GABRB1: variants seen among roughly 807,000 people sequenced by gnomAD.
GABRB1 encodes the protein gamma-aminobutyric acid type A receptor subunit beta1.
A neutral mutation model predicts 51.6 loss-of-function variants in GABRB1; 17 were observed. The ratio of observed to expected loss-of-function variants is 0.33; its 90% CI spans 0.23 to 0.49. GABRB1 has a LOEUF of 0.49. GABRB1 is among the 20% of genes least tolerant of loss of function. The pLI, the probability that GABRB1 is intolerant of heterozygous loss-of-function variation, is 0.99. For synonymous variants in GABRB1, 247 were observed against 218.9 expected (o/e 1.13, Z -1.14); for missense variants, 410 against 600.6 (o/e 0.68, Z 3.32).
chr4:47,065,754 G>A (rs190482629), intron 3 of GABRB1, among the ~76,000 whole-genome samples: 2 of 152,258 alleles, frequency 1.3e-5, no homozygotes, highest in Admixed American at 1.3e-4. Context: ...AAAAAAATAG[G>A]GATGAAAGGA....
chr4:47,157,686 T>C (rs746182706), intron 3 of GABRB1, among the ~76,000 whole-genome samples: 18 of 152,100 alleles, frequency 1.2e-4, no homozygotes, highest in East Asian at 7.7e-4. Context: ...TGGCTTTATA[T>C]AGATTGTAGA....
At chr4:47,000,877 A>T (rs926334143) in intron 1 of GABRB1, among the ~76,000 whole-genome samples, 2 of 152,212 alleles carry the variant, frequency 1.3e-5, no homozygotes, top group African/African-American at 4.8e-5. Flanking sequence ...GCATTATCCT[A>T]TTGGTCAGAG....
intron 4 of GABRB1, among the ~76,000 whole-genome samples, chr4:47,288,994 G>T (rs1383653123): frequency 6.6e-6 from 1 of 151,696 alleles, no homozygotes; most frequent in East Asian, 1.9e-4. Flanking sequence ...TTGTAAAGAT[G>T]ATCAATATAG....
At chr4:47,299,864 G>C (rs1254459387) in intron 4 of GABRB1, among the ~76,000 whole-genome samples, 3 of 151,796 alleles carry the variant, frequency 2.0e-5, no homozygotes, top group Non-Finnish European at 4.4e-5. Flanking sequence ...TGATAGACTG[G>C]ATTAAGAAAA....
At chr4:47,006,567 G>A (rs1724407049) in intron 1 of GABRB1, among the ~76,000 whole-genome samples, 1 of 152,074 alleles carries the variant, frequency 6.6e-6, no homozygotes, top group African/African-American at 2.4e-5. Context: ...GATAAGATGT[G>A]TAGCTATAAA....
At chr4:47,117,761 A>G (rs568988664) in intron 3 of GABRB1, among the ~76,000 whole-genome samples, 1 of 152,326 alleles carries the variant, frequency 6.6e-6, no homozygotes, top group Admixed American at 6.5e-5. Context: ...TTGGTTATGA[A>G]ATACGCTGGG....
At chr4:47,105,586 C>T (rs1056274922) in intron 3 of GABRB1, among the ~76,000 whole-genome samples, 2 of 152,194 alleles carry the variant, frequency 1.3e-5, no homozygotes, top group East Asian at 1.9e-4. Flanking sequence ...ATTTTCTTTT[C>T]CCTTTCTCCT....
chr4:47,363,465 A>T (rs2110012103), intron 5 of GABRB1, among the ~76,000 whole-genome samples: 1 of 152,134 alleles, frequency 6.6e-6, no homozygotes, highest in South Asian at 2.1e-4. Flanking sequence ...TTCTCATCCC[A>T]CTCTGATTGC....
rs73133962 is a variant in GABRB1, at chr4:47,315,277, A to G, written c.462-4850A>G. Among the ~76,000 whole-genome samples the G allele has an allele frequency of 7.4e-3, 1,122 of 152,160 alleles. 16 individuals carry two copies. The highest frequency in any genetic ancestry group is 0.025 in the African/African-American group (1,059 of 41,564). ...ACATACACGCATCCAACAAGCATAT[A>G]AAAAATGCTCAACTTCACTAATCAT... On this transcript the variant is annotated intron_variant, in intron 4 of 8. Transcript: ENST00000295454.
intron 4 of GABRB1, among the ~76,000 whole-genome samples, chr4:47,266,697 A>T (rs1214980576): frequency 6.6e-6 from 1 of 152,144 alleles, no homozygotes; most frequent in African/African-American, 2.4e-5. Flanking sequence ...GTGGCTTAAT[A>T]TATGATCTAA....
At chr4:47,116,252 G>C (rs1715473322) in intron 3 of GABRB1, among the ~76,000 whole-genome samples, 1 of 151,902 alleles carries the variant, frequency 6.6e-6, no homozygotes, top group Non-Finnish European at 1.5e-5. Flanking sequence ...TTATTTTTCT[G>C]TTCTGCTAGT....
At chr4:47,372,851 A>G (rs1727247530) in intron 5 of GABRB1, among the ~76,000 whole-genome samples, 1 of 152,098 alleles carries the variant, frequency 6.6e-6, no homozygotes, top group Non-Finnish European at 1.5e-5. Context: ...CAGTTCCCTG[A>G]TGTGAAGACA....
intron 2 of GABRB1, 136 bp downstream of exon 2, chr4:47,032,141 C>CAG (rs1222955779): frequency 6.0e-6 from 4 of 668,432 alleles, no homozygotes; most frequent in Admixed American, 2.7e-5. Flanking sequence ...CACACACACA[C>CAG]ACACACACAC....
intron 1 of GABRB1, among the ~76,000 whole-genome samples, chr4:47,007,428 C>T (rs187851443): frequency 1.4e-3 from 216 of 152,212 alleles, no homozygotes; most frequent in Non-Finnish European, 2.2e-3. Context: ...TTTTAACATA[C>T]GCTTCTCAGT....
chr4:47,334,192 C>A (rs2109979142), intron 5 of GABRB1, among the ~76,000 whole-genome samples: 1 of 152,222 alleles, frequency 6.6e-6, no homozygotes, highest in Admixed American at 6.5e-5. Flanking sequence ...GGTTGATGGA[C>A]TCAACTTTGA....
intron 3 of GABRB1, among the ~76,000 whole-genome samples, chr4:47,048,876 A>T (rs904359193): frequency 1.6e-4 from 25 of 152,200 alleles, no homozygotes; most frequent in Non-Finnish European, 2.9e-4. Context: ...GCCATTAAAA[A>T]CAGATCTTTT....
intron 4 of GABRB1, among the ~76,000 whole-genome samples, chr4:47,164,866 G>A (rs1241071118): frequency 6.6e-6 from 1 of 152,080 alleles, no homozygotes; most frequent in Admixed American, 6.6e-5. Context: ...AGGCTACTAT[G>A]CAACAGATAT....
chr4:47,298,026 G>T (rs1724080920), intron 4 of GABRB1, among the ~76,000 whole-genome samples: 1 of 152,148 alleles, frequency 6.6e-6, no homozygotes, highest in African/African-American at 2.4e-5. Context: ...AAAGGCCTTT[G>T]ACAAAATTCA....
At chr4:47,311,237 TACA>T (rs1382390835) in intron 4 of GABRB1, among the ~76,000 whole-genome samples, 155 of 142,530 alleles carry the variant, frequency 1.1e-3, no homozygotes, top group East Asian at 4.6e-3. Context: ...CTACTAAAAA[TACA>T]ACAACAACAA....
Sources: gnomAD v4.1 joint callset for allele counts (sites outside exome capture counted in the v4.1 genomes callset) on GRCh38, gnomAD v4.1.1 for gene constraint, MANE v1.5 for transcripts, NCBI Gene and HGNC (gene_info 2026-07-23, HGNC 2026-07-21) for gene names.